ADGRB3: variants seen among roughly 807,000 people sequenced by gnomAD.
ADGRB3 encodes the protein brain-specific angiogenesis inhibitor 3.
Under a neutral mutation model 193.4 loss-of-function variants are expected in ADGRB3, and 37 were observed. The ratio of observed to expected loss-of-function variants is 0.19; its 90% confidence interval spans 0.15 to 0.25. The LOEUF (loss-of-function observed/expected upper bound fraction) is 0.25, where lower values mean the gene tolerates loss of function less well. Ranked by LOEUF, ADGRB3 falls within the 10% of genes least tolerant of loss-of-function variation. The probability of loss-of-function intolerance (pLI) is 1.00; values close to 1 mark genes in which losing one functional copy is unlikely to be tolerated. For missense variants in ADGRB3, 1,637 were observed against 1,852.9 expected (o/e 0.88, Z 2.14); for synonymous variants, 690 against 644.2 (o/e 1.07, Z -1.08).
At chr6:69,339,308 A>G in intron 25 of ADGRB3, 25 bp from the exon 26 acceptor site, 1 of 1,609,898 alleles carries the variant, frequency 6.2e-7, no homozygotes, top group Non-Finnish European at 8.5e-7. Context: ...ATAGCTACGT[A>G]ATGTTACTTT....
chr6:68,887,472 AT>A lies in ADGRB3; in HGVS notation c.758-43084del, dbSNP rs551924927. Among the ~76,000 whole-genome samples, 717 of 152,228 alleles carry A rather than the reference AT, an allele frequency of 4.7e-3. 5 individuals are homozygous for A. The highest frequency in any genetic ancestry group is 0.01 in the Admixed American group (160 of 15,288). On this transcript the variant is annotated intron_variant, in intron 3 of 31. Transcript: ENST00000370598. ...ATTTTCCACCAGAGAGGTCAAACTA[AT>A]TTCTTAAGTACTATTTTCCGGTTAG...
intron 8 of ADGRB3, 75 bp from the exon 9 acceptor site, chr6:68,974,688 T>C: frequency 9.1e-7 from 1 of 1,099,536 alleles, no homozygotes; most frequent in Non-Finnish European, 1.4e-6. Flanking sequence ...GTTAGAGAGG[T>C]GCCTTTGACA....
chr6:69,328,626 G>A (rs1768637621), intron 22 of ADGRB3, among the ~76,000 whole-genome samples: 1 of 152,066 alleles, frequency 6.6e-6, no homozygotes, highest in Non-Finnish European at 1.5e-5. Context: ...TGGGTTTGAG[G>A]TAGGAATCAC....
intron 3 of ADGRB3, among the ~76,000 whole-genome samples, chr6:68,879,213 CTTTTTTT>C (rs529789046): frequency 1.1e-3 from 103 of 91,918 alleles, no homozygotes; most frequent in African/African-American, 3.3e-3. Context: ...CTTTTTGTCG[CTTTTTTT>C]TTTTTTTTTT....
intron 3 of ADGRB3, among the ~76,000 whole-genome samples, chr6:68,859,307 C>A (rs1389716559): frequency 6.6e-6 from 1 of 152,190 alleles, no homozygotes; most frequent in African/African-American, 2.4e-5. Flanking sequence ...TAGGGAGTTT[C>A]AAACTTTCCC....
At chr6:68,649,087 C>A (rs924894127) in intron 3 of ADGRB3, among the ~76,000 whole-genome samples, 5 of 152,020 alleles carry the variant, frequency 3.3e-5, no homozygotes, top group Non-Finnish European at 7.4e-5. Context: ...AAATCATGGT[C>A]TTTCTTTTTA....
At chr6:68,932,823 T>C (rs1767377888) in intron 4 of ADGRB3, among the ~76,000 whole-genome samples, 1 of 149,790 alleles carries the variant, frequency 6.7e-6, no homozygotes, top group African/African-American at 2.4e-5. Flanking sequence ...AAAGACAATA[T>C]ATTTTTATAT....
chr6:69,257,857 A>G (rs186361689), intron 20 of ADGRB3, among the ~76,000 whole-genome samples: 12 of 152,328 alleles, frequency 7.9e-5, no homozygotes, highest in Admixed American at 7.2e-4. Flanking sequence ...AGGGAAAACT[A>G]GATTCTTCAG....
At chr6:68,669,038 T>G (rs1425539501) in intron 3 of ADGRB3, among the ~76,000 whole-genome samples, 1 of 151,946 alleles carries the variant, frequency 6.6e-6, no homozygotes, top group African/African-American at 2.4e-5. Context: ...GAGAAAATAT[T>G]TGTGAATGTA....
At chr6:69,207,271 A>G (rs1051411293) in intron 17 of ADGRB3, among the ~76,000 whole-genome samples, 17 of 152,248 alleles carry the variant, frequency 1.1e-4, no homozygotes, top group African/African-American at 4.1e-4. Context: ...ACTAGGGGAG[A>G]TGGTGAGTGG....
intron 3 of ADGRB3, among the ~76,000 whole-genome samples, chr6:68,749,971 G>A (rs1002390349): frequency 5.9e-5 from 9 of 152,000 alleles, no homozygotes; most frequent in African/African-American, 1.4e-4. Context: ...GGTAACCCAC[G>A]TGTAACCTCT....
intron 17 of ADGRB3, among the ~76,000 whole-genome samples, chr6:69,181,936 G>T (rs1287294975): frequency 2.0e-5 from 3 of 152,066 alleles, no homozygotes; most frequent in Non-Finnish European, 2.9e-5. Flanking sequence ...AACACCTAAA[G>T]AAGATACTCA....
chr6:68,774,468 G>A (rs1766700233), intron 3 of ADGRB3, among the ~76,000 whole-genome samples: 1 of 148,460 alleles, frequency 6.7e-6, no homozygotes, highest in African/African-American at 2.5e-5. Context: ...AGGAATATAT[G>A]TGTTTAGCTT....
At chr6:68,673,086 CTGTG>C (rs1404616801) in intron 3 of ADGRB3, among the ~76,000 whole-genome samples, 1 of 151,902 alleles carries the variant, frequency 6.6e-6, no homozygotes, top group Admixed American at 6.6e-5. Context: ...TTGCATCTGT[CTGTG>C]TGTATGTTTG....
intron 17 of ADGRB3, among the ~76,000 whole-genome samples, chr6:69,092,772 T>C (rs1772751256): frequency 6.6e-6 from 1 of 151,934 alleles, no homozygotes. Context: ...ATACCTGAAT[T>C]GGTTTGTGAA....
chr6:69,247,207 G>T (rs1228719354), intron 20 of ADGRB3, among the ~76,000 whole-genome samples: 1 of 152,124 alleles, frequency 6.6e-6, no homozygotes, highest in African/African-American at 2.4e-5. Context: ...CTGTATGATG[G>T]GTCTGTAGGG....
chr6:69,252,233 GATTA>G (rs1348565002), intron 20 of ADGRB3, among the ~76,000 whole-genome samples: 5 of 152,022 alleles, frequency 3.3e-5, no homozygotes, highest in Non-Finnish European at 5.9e-5. Context: ...ATGTATTAGT[GATTA>G]ATTATTCTTT....
chr6:68,972,089 G>A (rs1768589330), intron 8 of ADGRB3, among the ~76,000 whole-genome samples: 1 of 152,170 alleles, frequency 6.6e-6, no homozygotes, highest in African/African-American at 2.4e-5. Context: ...GTGGTTATTG[G>A]TGCTTCACTA....
At chr6:68,995,756 C>T (rs1334811558) in intron 11 of ADGRB3, among the ~76,000 whole-genome samples, 2 of 152,072 alleles carry the variant, frequency 1.3e-5, no homozygotes, top group African/African-American at 4.8e-5. Context: ...ATCTGGAATG[C>T]CCTCCTTATC....
Sources: allele counts gnomAD v4.1 joint callset (sites outside exome capture counted in the v4.1 genomes callset), GRCh38; gene constraint gnomAD v4.1.1; transcripts MANE v1.5; gene names NCBI Gene and HGNC (gene_info 2026-07-23, HGNC 2026-07-21).